SNX29: variants seen among roughly 807,000 people sequenced by gnomAD.
SNX29 encodes sorting nexin 29.
SNX29 carries 78 observed loss-of-function variants against 102.1 expected under a neutral mutation model. The observed-to-expected ratio is 0.76, with a 90% CI of 0.64 to 0.92. The LOEUF (loss-of-function observed/expected upper bound fraction) is 0.92. SNX29 is among the 40% of genes least tolerant of loss of function. SNX29 has a pLI of 0.00. For missense variants in SNX29, 1,280 were observed against 1,061.7 expected (o/e 1.21, Z -2.86); for synonymous variants, 580 against 414.5 (o/e 1.40, Z -4.85).
At chr16:12,335,417 C>T (rs1314765047) in intron 15 of SNX29, among the ~76,000 whole-genome samples, 1 of 152,138 alleles carries the variant, frequency 6.6e-6, no homozygotes, top group Non-Finnish European at 1.5e-5. Flanking sequence ...GTAATCCCAG[C>T]ACTTTGAGAG....
At chr16:12,069,186 T>G (rs886460308) in intron 10 of SNX29, 54 bp downstream of exon 10, 2 of 1,463,896 alleles carry the variant, frequency 1.4e-6, no homozygotes, top group African/African-American at 2.8e-5. Flanking sequence ...TATTCACAGC[T>G]GTGCATTTTA....
At chr16:12,528,917 T>C (rs1231255443) in intron 20 of SNX29, among the ~76,000 whole-genome samples, 3 of 152,210 alleles carry the variant, frequency 2.0e-5, no homozygotes, top group Non-Finnish European at 4.4e-5. Context: ...TGCTTGTGTT[T>C]TTCCTCACAA....
intron 5 of SNX29, among the ~76,000 whole-genome samples, chr16:12,044,660 C>A (rs1363210430): frequency 6.6e-6 from 1 of 152,104 alleles, no homozygotes; most frequent in Non-Finnish European, 1.5e-5. Flanking sequence ...CTCACTGTAA[C>A]CTCTGCCTCC....
intron 3 of SNX29, among the ~76,000 whole-genome samples, chr16:12,023,407 CAA>C (rs565812913): frequency 0.48 from 45,471 of 93,950 alleles, 8,789 homozygotes; most frequent in African/African-American, 0.5. Flanking sequence ...GACTCTGTCT[CAA>C]AAAAAAAAAA....
At chr16:11,995,646 T>TAAAAAAA (rs533184003) in intron 1 of SNX29, among the ~76,000 whole-genome samples, 2 of 125,166 alleles carry the variant, frequency 1.6e-5, no homozygotes. Context: ...AAAATACTCT[T>TAAAAAAA]AAAAAAAAAA....
intron 15 of SNX29, among the ~76,000 whole-genome samples, chr16:12,315,852 G>T (rs544458568): frequency 6.6e-6 from 1 of 152,316 alleles, no homozygotes; most frequent in South Asian, 2.1e-4. Context: ...CTGCTCTATA[G>T]GACTGTCAAT....
Position 12,098,448 on chromosome 16 carries a change from C to T in SNX29, c.1402+19533C>T, listed in dbSNP as rs913632363. Among the ~76,000 whole-genome samples the T allele has an allele frequency of 3.9e-5, 6 of 152,174 alleles. No homozygotes were observed. Among genetic ancestry groups the T allele is most frequent in the Non-Finnish European group, 7.4e-5 (5 of 68,018 alleles). On this transcript the variant is annotated intron_variant, in intron 11 of 20. Transcript: ENST00000566228. This position sits in a 1 kb window ranked among gnomAD's most constrained non-coding sequence, Gnocchi z 6.0. Reference sequence around the variant, plus strand: ...ATAGGGGGTTGGGCATACTGGAGCTCCCACTTGCAGTGGCCACCGCGTGCC... The same window carrying T: ...ATAGGGGGTTGGGCATACTGGAGCTTCCACTTGCAGTGGCCACCGCGTGCC...
intron 15 of SNX29, among the ~76,000 whole-genome samples, chr16:12,320,594 C>T (rs2080899885): frequency 6.6e-6 from 1 of 152,126 alleles, no homozygotes; most frequent in Admixed American, 6.5e-5. Context: ...TGTGAGTGAT[C>T]CCTCACTCAT....
At chr16:12,362,553 T>TCCCCCCCCCCTCC (rs1199911670) in intron 16 of SNX29, among the ~76,000 whole-genome samples, 1 of 11,060 alleles carries the variant, frequency 9.0e-5, no homozygotes, top group Non-Finnish European at 2.1e-4. Flanking sequence ...GCTGCTGCAC[T>TCCCCCCCCCCTCC]CCCCCCCCAC....
intron 20 of SNX29, among the ~76,000 whole-genome samples, chr16:12,565,162 T>TC (rs1335990032): frequency 2.0e-5 from 3 of 151,968 alleles, no homozygotes; most frequent in Non-Finnish European, 4.4e-5. Flanking sequence ...GTTTACATAC[T>TC]CCCAGTCCTA....
In SNX29 at chr16:12,572,352, A is replaced by C. The variant is rs2079205072; in HGVS notation, c.*3723A>C. 9.4e-7 allele frequency: 1 copy of C among 1,062,908 alleles called. No homozygotes were observed. The highest frequency in any genetic ancestry group is 1.1e-6 in the Non-Finnish European group (1 of 877,804). The allele number at this position is 1,062,908 out of a possible 1,614,324, so 65.8% of individuals were successfully genotyped here. On this transcript the variant is annotated 3_prime_UTR_variant, in exon 21 of 21. Transcript: ENST00000566228. ...GCCCACCAGCCTGCCTGGTTGATGG[A>C]CAGCAGGCTCTGCCTTCTGGAGGCG...
chr16:12,222,779 G>C (rs545859636), intron 14 of SNX29, among the ~76,000 whole-genome samples: 59 of 152,254 alleles, frequency 3.9e-4, no homozygotes, highest in Middle Eastern at 3.4e-3. Context: ...ATGTTGGCCA[G>C]TCTGTTCTCA....
At chr16:12,429,317 C>T (rs2085217382) in intron 18 of SNX29, among the ~76,000 whole-genome samples, 1 of 152,232 alleles carries the variant, frequency 6.6e-6, no homozygotes. Flanking sequence ...TGTAGTTAAT[C>T]CCAACACATA....
chr16:12,531,131 T>C (rs1178605857), intron 20 of SNX29, among the ~76,000 whole-genome samples: 1 of 152,192 alleles, frequency 6.6e-6, no homozygotes, highest in Non-Finnish European at 1.5e-5. Context: ...CTCATACCAA[T>C]TTGATATGCA....
chr16:12,226,797 C>T lies in SNX29; in HGVS notation c.1678+27114C>T, dbSNP rs117554772. ...TTCACTGTATTGGCTAGGCTGGTCT[C>T]GAACTCCCGACCTTAGATTATCTGC... is the stretch of plus-strand genomic sequence containing the variant. On this transcript the variant is annotated intron_variant, in intron 14 of 20. Coordinates refer to ENST00000566228, the MANE Select transcript of SNX29 (RefSeq NM_032167.5). Among the ~76,000 whole-genome samples the T allele has an allele frequency of 1.1e-3, 170 of 152,124 alleles. 2 individuals are homozygous for T. The East Asian group carries it at 0.027, about 24-fold the overall frequency.
intron 17 of SNX29, among the ~76,000 whole-genome samples, chr16:12,398,781 C>G (rs1408475530): frequency 6.8e-6 from 1 of 147,144 alleles, no homozygotes; most frequent in Non-Finnish European, 1.5e-5. Context: ...CCTTTATTTT[C>G]TTTAAAAATG....
intron 14 of SNX29, among the ~76,000 whole-genome samples, chr16:12,272,812 T>C (rs1011307074): frequency 9.2e-5 from 14 of 152,284 alleles, no homozygotes; most frequent in Admixed American, 4.6e-4. Context: ...TGCCTCCATA[T>C]CTCTGATCAA....
chr16:12,285,186 T>G (rs1483098855), intron 15 of SNX29, among the ~76,000 whole-genome samples: 1 of 152,228 alleles, frequency 6.6e-6, no homozygotes. Context: ...GCCGTTTCCC[T>G]TCAGTTCTCC....
At chr16:12,022,111 A>C (rs1369073030) in intron 3 of SNX29, among the ~76,000 whole-genome samples, 35 of 113,240 alleles carry the variant, frequency 3.1e-4, no homozygotes, top group African/African-American at 1.2e-3. Flanking sequence ...TTTTTTTTTT[A>C]AACAGCTTTA....
Sources: gnomAD v4.1 joint callset for allele counts (sites outside exome capture counted in the v4.1 genomes callset) on GRCh38, gnomAD v4.1.1 for gene constraint, Gnocchi (gnomAD v3.1) non-coding constraint, MANE v1.5 for transcripts, NCBI Gene and HGNC (gene_info 2026-07-23, HGNC 2026-07-21) for gene names.